CLVS1: variants seen among roughly 807,000 people sequenced by gnomAD.
CLVS1 encodes clavesin 1, also known as clavesin-1.
In CLVS1, 10 loss-of-function variants were observed where a neutral mutation model predicts 33.1. The ratio of observed to expected loss-of-function variants is 0.30; its 90% CI spans 0.19 to 0.51. CLVS1 has a LOEUF of 0.51. CLVS1 is among the 20% of genes least tolerant of loss of function. The pLI is 0.97. For synonymous variants in CLVS1, 163 were observed against 166.1 expected, an observed-to-expected ratio of 0.98 and a Z score of 0.14; for missense variants, 343 against 433.4, an observed-to-expected ratio of 0.79 and a Z score of 1.85.
intron 2 of CLVS1, among the ~76,000 whole-genome samples, chr8:61,372,054 G>C (rs894682825): frequency 3.3e-5 from 5 of 152,150 alleles, no homozygotes; most frequent in Non-Finnish European, 7.4e-5. Flanking sequence ...ATAACTGACT[G>C]TATAAATGCT....
At chr8:61,261,522 C>A (rs1052025370) in intron 2 of CLVS1, among the ~76,000 whole-genome samples, 4 of 151,948 alleles carry the variant, frequency 2.6e-5, no homozygotes, top group African/African-American at 7.3e-5. Context: ...TTTTTGTCGC[C>A]CCACCCCACC....
intron 2 of CLVS1, among the ~76,000 whole-genome samples, chr8:61,227,973 A>G (rs1808363359): frequency 6.6e-6 from 1 of 152,220 alleles, no homozygotes; most frequent in Non-Finnish European, 1.5e-5. Flanking sequence ...AAAATAAAGT[A>G]CGTAGAATAC....
At chr8:61,101,656 T>C (rs1805452831) in intron 1 of CLVS1, among the ~76,000 whole-genome samples, 2 of 152,280 alleles carry the variant, frequency 1.3e-5, no homozygotes, top group South Asian at 4.1e-4. Context: ...TATTTGCTTT[T>C]GGTGTCATTT....
At chr8:61,175,571 C>G (rs1278887441) in intron 2 of CLVS1, among the ~76,000 whole-genome samples, 1 of 152,092 alleles carries the variant, frequency 6.6e-6, no homozygotes, top group Non-Finnish European at 1.5e-5. Flanking sequence ...TGACGTCACC[C>G]TGGATTAAAG....
intron 1 of CLVS1, among the ~76,000 whole-genome samples, chr8:61,092,803 A>G (rs967294734): frequency 2.6e-5 from 4 of 152,178 alleles, no homozygotes; most frequent in African/African-American, 9.7e-5. Context: ...TGCAATCTTA[A>G]TTCCCCTTTC....
At chr8:61,161,359 C>T (rs1040120805) in intron 2 of CLVS1, among the ~76,000 whole-genome samples, 8 of 152,182 alleles carry the variant, frequency 5.3e-5, no homozygotes, top group Admixed American at 2.0e-4. Flanking sequence ...GAGACATCTG[C>T]ACTCCCACGT....
At chr8:61,277,213 A>T (rs1809575962) in intron 2 of CLVS1, among the ~76,000 whole-genome samples, 1 of 152,194 alleles carries the variant, frequency 6.6e-6, no homozygotes. Context: ...CACCCTGTGC[A>T]TAGCATTTTC....
In CLVS1 at chr8:61,499,652, G is replaced by C. The variant is rs569837681; in HGVS notation, c.*110G>C. The C allele has an allele frequency of 1.4e-5, 10 of 711,794 alleles. No individual in the cohort carries two copies. The South Asian group carries it at 1.8e-4, about 12-fold the overall frequency. 44.1% of individuals were successfully genotyped at this position (711,794 alleles called of 1,614,324 possible). A position where few individuals can be genotyped will look rare whatever the true frequency, so the allele number is the denominator to read the frequency against. ...GACACGTGTGTTCTGCTTGACACAA[G>C]GTCCTCCACTCCTGAACCCCTGCAG... is the stretch of plus-strand genomic sequence containing the variant. On this transcript the variant is annotated 3_prime_UTR_variant, in exon 6 of 6. Coordinates refer to ENST00000325897, the MANE Select transcript of CLVS1 (RefSeq NM_173519.3).
intron 2 of CLVS1, among the ~76,000 whole-genome samples, chr8:61,355,464 G>A (rs1047368640): frequency 6.6e-6 from 1 of 151,888 alleles, no homozygotes; most frequent in Non-Finnish European, 1.5e-5. Context: ...TGCACAATGT[G>A]CAGGTTAGTT....
At chr8:60,973,619 C>A in the CLVS1 span, among the ~76,000 whole-genome samples, 1 of 152,218 alleles carries the variant, frequency 6.6e-6, no homozygotes, top group African/African-American at 2.4e-5. Flanking sequence ...GGAAGAGGGC[C>A]AAGGGAGCAT....
chr8:61,152,953 T>A (rs1167818789), intron 2 of CLVS1, among the ~76,000 whole-genome samples: 1 of 152,008 alleles, frequency 6.6e-6, no homozygotes, highest in Non-Finnish European at 1.5e-5. Context: ...GCGGATAACC[T>A]GAGGAATTCG....
At chr8:61,455,755 G>A (rs1479262059) in intron 4 of CLVS1, among the ~76,000 whole-genome samples, 3 of 152,164 alleles carry the variant, frequency 2.0e-5, no homozygotes, top group East Asian at 1.9e-4. Context: ...GACACCCAGG[G>A]TGCCTGACAC....
chr8:61,046,895 A>C, the CLVS1 span, among the ~76,000 whole-genome samples: 2 of 152,172 alleles, frequency 1.3e-5, no homozygotes, highest in South Asian at 4.1e-4. Flanking sequence ...TTGGGCTGAG[A>C]CAATGGGGTT....
intron 5 of CLVS1, among the ~76,000 whole-genome samples, chr8:61,479,567 C>T (rs1173602636): frequency 1.3e-5 from 2 of 151,858 alleles, no homozygotes; most frequent in Non-Finnish European, 2.9e-5. Context: ...TCTTCTGAAG[C>T]CTTCTTCTCT....
intron 3 of CLVS1, among the ~76,000 whole-genome samples, chr8:61,407,029 T>C (rs1161470300): frequency 1.3e-5 from 2 of 152,220 alleles, no homozygotes; most frequent in Non-Finnish European, 2.9e-5. Flanking sequence ...ATCATTTTAA[T>C]AGGATAAGAT....
chr8:61,135,687 G>T (rs1806180161), intron 2 of CLVS1, among the ~76,000 whole-genome samples: 1 of 152,226 alleles, frequency 6.6e-6, no homozygotes, highest in Admixed American at 6.5e-5. Context: ...TCTGAAGTCA[G>T]TTGGAGCCTG....
At chr8:61,482,087 G>C (rs907587954) in intron 5 of CLVS1, among the ~76,000 whole-genome samples, 1 of 152,208 alleles carries the variant, frequency 6.6e-6, no homozygotes, top group Non-Finnish European at 1.5e-5. Context: ...AGACAAACAG[G>C]GTCTGGAGTG....
intron 2 of CLVS1, among the ~76,000 whole-genome samples, chr8:61,226,731 A>T (rs1808338105): frequency 6.6e-6 from 1 of 152,206 alleles, no homozygotes; most frequent in African/African-American, 2.4e-5. Flanking sequence ...TCAGCTTCTT[A>T]ACACTGAGGC....
chr8:61,305,427 A>G (rs1462289223), intron 2 of CLVS1, among the ~76,000 whole-genome samples: 1 of 151,982 alleles, frequency 6.6e-6, no homozygotes, highest in Non-Finnish European at 1.5e-5. Flanking sequence ...AACATGAAAT[A>G]TTTGTCTTTC....
Sources: allele counts gnomAD v4.1 joint callset (sites outside exome capture counted in the v4.1 genomes callset), GRCh38; gene constraint gnomAD v4.1.1; transcripts MANE v1.5; gene names NCBI Gene and HGNC (gene_info 2026-07-23, HGNC 2026-07-21).